The following PIBF1 variants were observed in gnomAD, a reference collection of about 807,000 sequenced individuals.
PIBF1 encodes progesterone immunomodulatory binding factor 1.
A neutral mutation model predicts 112.5 loss-of-function variants in PIBF1; 90 were observed. The observed-to-expected ratio is 0.80, with a 90% CI of 0.67 to 0.95. The LOEUF is 0.95. Ranked by LOEUF, PIBF1 falls within the 40% of genes least tolerant of loss-of-function variation. PIBF1 has a pLI of 0.00. For synonymous variants in PIBF1, 301 were observed against 288.6 expected, an observed-to-expected ratio of 1.04 and a Z score of -0.44; for missense variants, 915 against 852.3, an observed-to-expected ratio of 1.07 and a Z score of -0.92.
At chr13:72,831,179 G>T (rs2037094447) in intron 8 of PIBF1, among the ~76,000 whole-genome samples, 1 of 151,698 alleles carries the variant, frequency 6.6e-6, no homozygotes, top group African/African-American at 2.4e-5. Context: ...CTGGCTAGCA[G>T]TCTATCTATT....
chr13:72,976,702 G>T (rs1191604302), intron 16 of PIBF1, among the ~76,000 whole-genome samples: 1 of 152,072 alleles, frequency 6.6e-6, no homozygotes, highest in Admixed American at 6.6e-5. Context: ...TCCGCAAATT[G>T]CATATATGGA....
rs570693740 is a variant in PIBF1, at chr13:72,990,243, G to C, written c.2050-8579G>C. Among the ~76,000 whole-genome samples, 11 of 149,156 alleles carry C rather than the reference G, an allele frequency of 7.4e-5. No homozygotes were observed. In the East Asian group the frequency reaches 2.2e-3, roughly 29 times the overall value. On this transcript the variant is annotated intron_variant, in intron 16 of 17. Transcript: ENST00000326291. ...AAAAAAAAAAAAAAAAAAAATGCCA[G>C]GTACAGTGGCTCACGCCTGTAATCC...
chr13:72,782,156 G>A lies in PIBF1; in HGVS notation c.-241G>A, dbSNP rs116463777. On this transcript the variant is annotated 5_prime_UTR_variant, in exon 1 of 18. Coordinates refer to ENST00000326291, the MANE Select transcript of PIBF1 (RefSeq NM_006346.4). ...GGAGAGTTGACTTCCGGCGGCTTGT[G>A]GGAGTGCTGGTTCTGTCCTCCTTGC... 4.7e-3 allele frequency: 1,380 copies of A among 292,578 alleles called. 17 individuals are homozygous for A. Among genetic ancestry groups the A allele is most frequent in the African/African-American group, 0.027 (1,234 of 46,410 alleles). The allele number at this position is 292,578 out of a possible 1,614,324, so 18.1% of individuals were successfully genotyped here. A position where few individuals can be genotyped will look rare whatever the true frequency, so the allele number is the denominator to read the frequency against.
At chr13:72,880,755 T>C (rs905090843) in intron 10 of PIBF1, among the ~76,000 whole-genome samples, 1 of 152,226 alleles carries the variant, frequency 6.6e-6, no homozygotes, top group African/African-American at 2.4e-5. Flanking sequence ...GCTTCAAGAT[T>C]ATTTGAGACC....
At chr13:72,950,362 T>C (rs1221638413) in intron 14 of PIBF1, among the ~76,000 whole-genome samples, 4 of 152,146 alleles carry the variant, frequency 2.6e-5, no homozygotes, top group African/African-American at 7.2e-5. Context: ...CTTTGAAAAA[T>C]CTTATTTTGA....
chr13:72,920,254 A>G (rs557673489), intron 13 of PIBF1, among the ~76,000 whole-genome samples: 1 of 152,306 alleles, frequency 6.6e-6, no homozygotes, highest in South Asian at 2.1e-4. Context: ...TGGGCATGCT[A>G]TTAATATCTC....
intron 16 of PIBF1, among the ~76,000 whole-genome samples, chr13:72,981,704 A>G (rs1333811572): frequency 3.3e-5 from 5 of 152,234 alleles, no homozygotes; most frequent in South Asian, 2.1e-4. Flanking sequence ...TAGTAGTACC[A>G]TTCTGTGTAA....
rs71099767 is a variant in PIBF1, at chr13:72,904,433, C to CTTTTTTTTTTTTTTTTTT, written c.1489-4090_1489-4073dup. Among the ~76,000 whole-genome samples the CTTTTTTTTTTTTTTTTTT allele has an allele frequency of 6.0e-3, 218 of 36,550 alleles. 57 individuals carry two copies. The highest frequency in any genetic ancestry group is 0.011 in the African/African-American group (99 of 8,916). 24.0% of individuals were successfully genotyped at this position (36,550 alleles called of 152,430 possible). A position where few individuals can be genotyped will look rare whatever the true frequency, so the allele number is the denominator to read the frequency against. ...ATTTATCCAAAATATCAAAATATTT[C>CTTTTTTTTTTTTTTTTTT]TTTTTTTTTTTTTTTTTTTTTTTTT... On this transcript the variant is annotated intron_variant, in intron 11 of 17. Coordinates refer to ENST00000326291, the MANE Select transcript of PIBF1 (RefSeq NM_006346.4).
At chr13:72,913,015 CAG>C (rs2040947486) in intron 12 of PIBF1, among the ~76,000 whole-genome samples, 1 of 149,646 alleles carries the variant, frequency 6.7e-6, no homozygotes, top group African/African-American at 2.5e-5. Context: ...CTAGAAGAGA[CAG>C]AAGTAATCTA....
chr13:72,801,376 C>G (rs545485251), intron 5 of PIBF1, among the ~76,000 whole-genome samples: 71 of 151,486 alleles, frequency 4.7e-4, no homozygotes, highest in Non-Finnish European at 8.4e-4. Flanking sequence ...TAGAAAAAAT[C>G]AAGAAAAAGT....
chr13:72,883,513 G>C (rs1284839103), intron 10 of PIBF1, among the ~76,000 whole-genome samples: 1 of 152,182 alleles, frequency 6.6e-6, no homozygotes, highest in Non-Finnish European at 1.5e-5. Flanking sequence ...TGCTGGATCA[G>C]ATGGTAGCTC....
chr13:72,969,203 A>G (rs1594290299), intron 15 of PIBF1, among the ~76,000 whole-genome samples: 1 of 152,192 alleles, frequency 6.6e-6, no homozygotes, highest in African/African-American at 2.4e-5. Flanking sequence ...CTTACCATAC[A>G]TGTAACAAAT....
chr13:72,987,307 CTT>C (rs11397801), intron 16 of PIBF1, among the ~76,000 whole-genome samples: 1 of 144,674 alleles, frequency 6.9e-6, no homozygotes, highest in African/African-American at 2.5e-5. Flanking sequence ...TGTTGTTCTA[CTT>C]TTTTTTTTTT....
At chr13:72,855,605 T>C (rs1173536201) in intron 10 of PIBF1, among the ~76,000 whole-genome samples, 1 of 152,068 alleles carries the variant, frequency 6.6e-6, no homozygotes, top group Non-Finnish European at 1.5e-5. Context: ...GCAGAGATCA[T>C]GCCACAGCAC....
At chr13:72,910,987 G>A (rs1326918243) in intron 12 of PIBF1, among the ~76,000 whole-genome samples, 1 of 152,116 alleles carries the variant, frequency 6.6e-6, no homozygotes, top group East Asian at 1.9e-4. Context: ...TTCATATGGA[G>A]TGCAGAGGAC....
intron 14 of PIBF1, among the ~76,000 whole-genome samples, chr13:72,936,151 T>C (rs1939517685): frequency 2.0e-5 from 3 of 152,114 alleles, no homozygotes; most frequent in African/African-American, 7.2e-5. Flanking sequence ...ATTGGGAGCC[T>C]TAGCCTCCCA....
At chr13:72,918,235 AGT>A (rs1231457370) in intron 13 of PIBF1, among the ~76,000 whole-genome samples, 1 of 152,114 alleles carries the variant, frequency 6.6e-6, no homozygotes, top group Non-Finnish European at 1.5e-5. Context: ...CTCTACCCAA[AGT>A]GCAGTGGATA....
At chr13:72,824,319 C>T (rs747639049) in intron 6 of PIBF1, among the ~76,000 whole-genome samples, 9 of 151,970 alleles carry the variant, frequency 5.9e-5, no homozygotes, top group South Asian at 2.1e-4. Flanking sequence ...ACCCAGCCCA[C>T]GTTGATACTT....
intron 17 of PIBF1, among the ~76,000 whole-genome samples, chr13:73,013,220 G>T (rs1233754813): frequency 2.1e-5 from 3 of 146,014 alleles, no homozygotes; most frequent in East Asian, 2.0e-4. Flanking sequence ...AGAATGGCGT[G>T]AACCCGGGAG....
Sources: gnomAD v4.1 joint callset for allele counts (sites outside exome capture counted in the v4.1 genomes callset) on GRCh38, gnomAD v4.1.1 for gene constraint, MANE v1.5 for transcripts, NCBI Gene and HGNC (gene_info 2026-07-23, HGNC 2026-07-21) for gene names.